Variants in DNAJC14 observed in about 807,000 individuals in gnomAD.
DNAJC14 encodes the protein dnaJ homolog subfamily C member 14.
A neutral mutation model predicts 68.8 loss-of-function variants in DNAJC14; 12 were observed. That is an observed-to-expected ratio of 0.17 (90% CI 0.11 to 0.28). The LOEUF (loss-of-function observed/expected upper bound fraction) is 0.28. Among genes scored for constraint, DNAJC14 ranks in the 10% least tolerant of loss-of-function variants. DNAJC14 has a pLI of 1.00. For synonymous variants in DNAJC14, 350 were observed against 321.5 expected (o/e 1.09, Z -0.95); for missense variants, 764 against 875.6 (o/e 0.87, Z 1.61).
chr12:55,822,509 G>A (rs762933417), intron 5 of DNAJC14, 34 bp from the exon 6 acceptor site: 14 of 1,613,136 alleles, frequency 8.7e-6, no homozygotes, highest in East Asian at 6.7e-5. Context: ...CCAAAACGTC[G>A]CAGTTTAGAG....
chr12:55,825,391 T>G (rs767691027), intron 2 of DNAJC14, among the ~76,000 whole-genome samples: 7 of 152,130 alleles, frequency 4.6e-5, no homozygotes, highest in Non-Finnish European at 1.0e-4. Context: ...TTACTTATAT[T>G]CATAATAGTT....
rs531346178 is a variant in DNAJC14, at chr12:55,826,345, G to T, written c.1407+907C>A. On this transcript the variant is annotated intron_variant, in intron 2 of 6. Coordinates refer to ENST00000678005, the MANE Select transcript of DNAJC14 (RefSeq NM_032364.6). ...GACTGTAGGTTCATGATCGCAGCTT[G>T]TTGCAGCCTCGACCTCCTGGGCTCA... Among the ~76,000 whole-genome samples the T allele has an allele frequency of 2.5e-5, 3 of 121,690 alleles. No individual in the cohort carries two copies. In the South Asian group the frequency reaches 7.6e-4, roughly 31 times the overall value. 79.8% of individuals were successfully genotyped at this position (121,690 alleles called of 152,430 possible).
chr12:55,823,047 A>G, intron 4 of DNAJC14, 23 bp downstream of exon 4: 1 of 1,612,696 alleles, frequency 6.2e-7, no homozygotes, highest in Non-Finnish European at 8.5e-7. Context: ...TGATTGTCCC[A>G]TCCCTCTCCT....
At position 55,827,901 on chromosome 12, in the gene DNAJC14, C is replaced by T; in HGVS notation, c.758G>A (p.Trp253Ter). 6.2e-7 allele frequency: 1 copy of T among 1,608,138 alleles called. No homozygotes were observed. The highest frequency in any genetic ancestry group is 8.5e-7 in the Non-Finnish European group (1 of 1,175,704). ...CAATACCAGCAGTTCAATCAGCCAC[C>T]AAAAGCCTGCCTGTCCAAGTTGACA... The part of the protein sequence containing the change: ...ELCQLGQAGF[W>*]WLIELLVLVG... Residue 253 changes from tryptophan to a stop codon, truncating the protein, a stop_gained, in exon 2 of 7, where the codon TGG becomes TAG. Coordinates refer to ENST00000678005, the MANE Select transcript of DNAJC14 (RefSeq NM_032364.6). LOFTEE classifies it high-confidence loss of function.
At chr12:55,822,810 C>A in intron 4 of DNAJC14, 78 bp from the exon 5 acceptor site, 1 of 1,549,552 alleles carries the variant, frequency 6.5e-7, no homozygotes, top group Non-Finnish European at 8.7e-7. Context: ...TACCATTATT[C>A]ACAAATAGGG....
chr12:55,826,337 CGCAG>C (rs1412321294), intron 2 of DNAJC14, among the ~76,000 whole-genome samples: 1 of 123,328 alleles, frequency 8.1e-6, no homozygotes, highest in Non-Finnish European at 1.5e-5. Flanking sequence ...GGTTCATGAT[CGCAG>C]CTTGTTGCAG....
intron 4 of DNAJC14, among the ~76,000 whole-genome samples, 168 bp downstream of exon 4, chr12:55,822,902 T>C (rs1880706884): frequency 6.6e-6 from 1 of 152,342 alleles, no homozygotes. Flanking sequence ...TTAGTGCTAA[T>C]TAAAATCGTC....
chr12:55,821,846 A>T lies in DNAJC14; in HGVS notation c.*131T>A, dbSNP rs1880673849. On this transcript the variant is annotated 3_prime_UTR_variant, in exon 7 of 7. Coordinates refer to ENST00000678005, the MANE Select transcript of DNAJC14 (RefSeq NM_032364.6). ...CACTCCAGCTGGGCAACAGAGCAAG[A>T]CTCCATCTCAAAAAATAAAAAGAAA... 2 of 1,032,084 alleles carry T rather than the reference A, an allele frequency of 1.9e-6. No individual in the cohort carries two copies. Among genetic ancestry groups the T allele is most frequent in the African/African-American group, 1.6e-5 (1 of 61,432 alleles). The allele number at this position is 1,032,084 out of a possible 1,614,324, so 63.9% of individuals were successfully genotyped here.
rs139865602 is a variant in DNAJC14 at position 55,828,229 on chromosome 12, C to G, written c.430G>C (p.Glu144Gln). 6.2e-7 allele frequency: 1 copy of G among 1,607,252 alleles called. No individual in the cohort carries two copies. Among genetic ancestry groups the G allele is most frequent in the Non-Finnish European group, 8.5e-7 (1 of 1,177,166 alleles). ...TPGIPEGPYS[E>Q]GGNGSSSNFC... ...TTGCTAGAAGAACCATTTCCTCCCTCAGAGTAAGGCCCTTCTGGAATTCCA... is the reference window on the plus strand; with the variant it reads ...TTGCTAGAAGAACCATTTCCTCCCTGAGAGTAAGGCCCTTCTGGAATTCCA... Residue 144 changes from glutamate (E) to glutamine (Q), a missense_variant, in exon 2 of 7, where the codon GAG becomes CAG. This residue lies in a region of DNAJC14 where 514 missense variants were observed against 521.7 expected (regional missense o/e 0.99). Coordinates refer to ENST00000678005, the MANE Select transcript of DNAJC14 (RefSeq NM_032364.6).
intron 2 of DNAJC14, among the ~76,000 whole-genome samples, chr12:55,826,361 C>T (rs1880795043): frequency 6.8e-6 from 1 of 147,612 alleles, no homozygotes; most frequent in Admixed American, 6.9e-5. Context: ...GCCTCGACCT[C>T]CTGGGCTCAA....
chr12:55,828,590 C>A lies in DNAJC14; in HGVS notation c.69G>T (p.Arg23Ser). 6.2e-7 allele frequency: 1 copy of A among 1,614,070 alleles called. No individual in the cohort carries two copies. The change falls in exon 2 of 7, where the codon AGG (arginine) becomes AGT (serine). Residue 23 changes from arginine to serine, a missense_variant. Coordinates refer to ENST00000678005, the MANE Select transcript of DNAJC14 (RefSeq NM_032364.6). ...GAHHSGGASL[R>S]TLGPSVDPEI... The stretch of plus-strand genomic sequence containing the variant: ...CAGGGTCCACGGAGGGTCCTAAAGT[C>A]CTGAGGGAGGCACCACCACTGTGGT...
At chr12:55,822,271 T>C in intron 6 of DNAJC14, 84 bp from the exon 7 acceptor site, 1 of 1,532,562 alleles carries the variant, frequency 6.5e-7, no homozygotes, top group Non-Finnish European at 8.8e-7. Context: ...GTTCCCAAAC[T>C]TCCTAGAAAA....
At chr12:55,829,393 C>T (rs1325172786) in intron 1 of DNAJC14, 96 bp downstream of exon 1, 1 of 982,980 alleles carries the variant, frequency 1.0e-6, no homozygotes, top group African/African-American at 1.8e-5. Flanking sequence ...TGCAGTGAAC[C>T]GAGATCGTGC....
chr12:55,822,458 G>A lies in DNAJC14; in HGVS notation c.1813C>T (p.Arg605Cys), dbSNP rs747373955. 3.1e-6 allele frequency: 5 copies of A among 1,613,844 alleles called. No homozygotes were observed. Among genetic ancestry groups the A allele is most frequent in the Non-Finnish European group, 4.2e-6 (5 of 1,179,998 alleles). ...YDITEWAGCQ[R>C]VGISPDTHRV... ...TGGGTATCTGGGGAGATACCTACAC[G>A]CTGGCATCCAGCCCACTCTATAAAC... The change falls in exon 6 of 7, where the codon CGT becomes TGT. Residue 605 changes from arginine (R) to cysteine (C), a missense_variant. Transcript: ENST00000678005.
At chr12:55,826,716 C>T (rs1399267999) in intron 2 of DNAJC14, among the ~76,000 whole-genome samples, 2 of 151,448 alleles carry the variant, frequency 1.3e-5, no homozygotes, top group South Asian at 2.1e-4. Flanking sequence ...AGGAGAATGG[C>T]GTGAACCCGG....
intron 4 of DNAJC14, among the ~76,000 whole-genome samples, 160 bp from the exon 5 acceptor site, chr12:55,822,892 T>C (rs1880706681): frequency 6.6e-6 from 1 of 152,222 alleles, no homozygotes. Context: ...CTAATGTTTC[T>C]TAGTGCTAAT....
chr12:55,822,564 G>A lies in DNAJC14; in HGVS notation c.1795+8C>T. The A allele has an allele frequency of 6.2e-7, 1 of 1,613,606 alleles. No homozygotes were observed. Among genetic ancestry groups the A allele is most frequent in the East Asian group, 2.2e-5 (1 of 44,886 alleles). On this transcript the variant is annotated splice_region_variant and intron_variant, in intron 5 of 6. Coordinates refer to ENST00000678005, the MANE Select transcript of DNAJC14 (RefSeq NM_032364.6). ...TATGAGCCTGTATTTCTAGAGGACA[G>A]AGAGTACCTGTGATGTCATACACCT...
intron 2 of DNAJC14, among the ~76,000 whole-genome samples, chr12:55,823,986 G>A (rs2136217551): frequency 6.6e-6 from 1 of 151,764 alleles, no homozygotes; most frequent in East Asian, 1.9e-4. Context: ...TTACAGGCGT[G>A]TGCCATCATG....
chr12:55,822,375 C>T lies in DNAJC14; in HGVS notation c.1896G>A (p.Gln632=). The change falls in exon 6 of 7, where the codon CAG becomes CAA. Residue 632 remains glutamine, a splice_region_variant and synonymous_variant. Transcript: ENST00000678005. Reference sequence around the variant, plus strand: ...TTATTGACAGAAATACCACCTACCTCTGCCGCCCTCTGGTGCCTGGAATCC... The same window carrying T: ...TTATTGACAGAAATACCACCTACCTTTGCCGCCCTCTGGTGCCTGGAATCC... ...GSRIPGTRGR[Q]RATPDAPPAD... 6.2e-7 allele frequency: 1 copy of T among 1,612,198 alleles called. No homozygotes were observed. Among genetic ancestry groups the T allele is most frequent in the African/African-American group, 1.3e-5 (1 of 74,992 alleles).
Sources: allele counts gnomAD v4.1 joint callset (sites outside exome capture counted in the v4.1 genomes callset), GRCh38; gene constraint gnomAD v4.1.1; regional missense constraint gnomAD v4.1.1; transcripts MANE v1.5; gene names NCBI Gene and HGNC (gene_info 2026-07-23, HGNC 2026-07-21).